The following NTAQ1 variants were observed in gnomAD, a reference collection of about 807,000 sequenced individuals.
NTAQ1 encodes the protein N-terminal glutamine amidase 1.
NTAQ1 carries 21 observed loss-of-function variants against 28.2 expected under a neutral mutation model. That is an observed-to-expected ratio of 0.74 (90% CI 0.53 to 1.07). The LOEUF (loss-of-function observed/expected upper bound fraction) is 1.07. Ranked by LOEUF, NTAQ1 falls within the 50% of genes least tolerant of loss-of-function variation. The probability of loss-of-function intolerance (pLI) is 0.00; values close to 1 mark genes in which losing one functional copy is unlikely to be tolerated. For synonymous variants in NTAQ1, 105 were observed against 90.0 expected (o/e 1.17, Z -0.94); for missense variants, 264 against 256.6 (o/e 1.03, Z -0.20).
chr8:123,460,043 G>A (rs1815774337), intron 6 of NTAQ1, among the ~76,000 whole-genome samples: 1 of 151,790 alleles, frequency 6.6e-6, no homozygotes, highest in South Asian at 2.1e-4. Flanking sequence ...CAGGTAATCC[G>A]CCTGCCTCGG....
chr8:123,417,961 C>G (rs1343886377), intron 1 of NTAQ1, among the ~76,000 whole-genome samples: 1 of 152,172 alleles, frequency 6.6e-6, no homozygotes, highest in Non-Finnish European at 1.5e-5. Context: ...AACTACTGCA[C>G]TATTTTTCTG....
chr8:123,440,762 A>G (rs897841886), intron 5 of NTAQ1, among the ~76,000 whole-genome samples: 1 of 151,992 alleles, frequency 6.6e-6, no homozygotes, highest in Non-Finnish European at 1.5e-5. Flanking sequence ...CGGCCTCCCA[A>G]AGTGCTGGGA....
chr8:123,439,885 TG>T (rs1814944746), intron 5 of NTAQ1, among the ~76,000 whole-genome samples: 1 of 151,294 alleles, frequency 6.6e-6, no homozygotes, highest in African/African-American at 2.4e-5. Context: ...ATCTGGGAGG[TG>T]GAGGTCGCAA....
At chr8:123,470,483 A>T (rs952855214), downstream of NTAQ1, among the ~76,000 whole-genome samples, 2 of 152,222 alleles carry the variant, frequency 1.3e-5, no homozygotes, top group African/African-American at 4.8e-5. Context: ...CAGTGTCCCA[A>T]AGAGTGAGAA....
At chr8:123,468,670 T>A (rs903201820) in exon 7 of NTAQ1, among the ~76,000 whole-genome samples, 7 of 152,236 alleles carry the variant, frequency 4.6e-5, no homozygotes, top group Admixed American at 6.5e-5. Flanking sequence ...GCGACATAGA[T>A]GTGCAAATAT....
chr8:123,463,641 G>A (rs1296797912), intron 6 of NTAQ1, among the ~76,000 whole-genome samples: 3 of 152,156 alleles, frequency 2.0e-5, no homozygotes, highest in Non-Finnish European at 4.4e-5. Context: ...AGTGTCACAG[G>A]TTAGGTTCCT....
downstream of NTAQ1, among the ~76,000 whole-genome samples, chr8:123,446,978 T>TG (rs919282115): frequency 6.6e-6 from 1 of 152,134 alleles, no homozygotes; most frequent in African/African-American, 2.4e-5. Context: ...GCCGCCGAGC[T>TG]GGGGGTCAGG....
chr8:123,444,225 C>A (rs936843536), downstream of NTAQ1, among the ~76,000 whole-genome samples: 1 of 151,978 alleles, frequency 6.6e-6, no homozygotes, highest in Non-Finnish European at 1.5e-5. Context: ...TTTGAGATGC[C>A]GTCTTGCTCT....
chr8:123,438,739 T>C (rs1352798425), intron 5 of NTAQ1, among the ~76,000 whole-genome samples: 1 of 152,186 alleles, frequency 6.6e-6, no homozygotes, highest in African/African-American at 2.4e-5. Flanking sequence ...TTTGGCATAT[T>C]TGAGGGGACT....
rs763398571 is a variant in NTAQ1 at position 123,430,034 on chromosome 8, G to T, written c.234+1G>T. On this transcript the variant is annotated splice_donor_variant, in intron 3 of 5. Transcript: ENST00000287387. LOFTEE classifies it high-confidence loss of function. The stretch of plus-strand genomic sequence containing the variant: ...ACCTGGAGATGGACCTGTGATCTGG[G>T]TAAGACAGTTAATACAGAGAGTATT... 1.2e-6 allele frequency: 2 copies of T among 1,612,350 alleles called. No individual in the cohort carries two copies. Among genetic ancestry groups the T allele is most frequent in the South Asian group, 2.2e-5 (2 of 90,878 alleles).
At chr8:123,457,275 G>A (rs529274673) in intron 6 of NTAQ1, among the ~76,000 whole-genome samples, 7 of 152,004 alleles carry the variant, frequency 4.6e-5, no homozygotes, top group South Asian at 2.1e-4. Context: ...CCATGTTGAC[G>A]AGGCTGGTCT....
chr8:123,474,615 G>T (rs904613254), downstream of NTAQ1, among the ~76,000 whole-genome samples: 1 of 152,026 alleles, frequency 6.6e-6, no homozygotes, highest in African/African-American at 2.4e-5. Flanking sequence ...TTAAAACTAC[G>T]CAAATATTGC....
downstream of NTAQ1, among the ~76,000 whole-genome samples, chr8:123,451,312 T>C (rs549398518): frequency 6.6e-6 from 1 of 152,346 alleles, no homozygotes; most frequent in East Asian, 1.9e-4. Context: ...GAAATGATCT[T>C]GCACACTTAT....
chr8:123,467,525 T>C (rs536849720), exon 7 of NTAQ1, among the ~76,000 whole-genome samples: 1 of 152,352 alleles, frequency 6.6e-6, no homozygotes, highest in Non-Finnish European at 1.5e-5. Flanking sequence ...ATTAAGTGTT[T>C]TATCAATGTC....
At position 123,416,902 on chromosome 8, in the gene NTAQ1, G is replaced by A. The variant is rs1029768601; in HGVS notation, c.53G>A (p.Arg18Gln). 8 of 1,524,872 alleles carry A rather than the reference G, an allele frequency of 5.2e-6. No homozygotes were observed. The highest frequency in any genetic ancestry group is 3.7e-5 in the South Asian group (3 of 81,536). 94.5% of individuals were successfully genotyped at this position (1,524,872 alleles called of 1,614,324 possible). The change falls in exon 1 of 6, where the codon CGG becomes CAG. Residue 18 changes from arginine to glutamine, a missense_variant. Coordinates refer to ENST00000287387, the MANE Select transcript of NTAQ1 (RefSeq NM_018024.3). ...CACTACCAGCCGGCCAGCCCCCCGC[G>A]GGACGCCTGCGTCTACAGCAGCTGC... Reference protein sequence around the residue: ...AVHYQPASPPRDACVYSSCYC... With the variant: ...AVHYQPASPPQDACVYSSCYC...
At position 123,441,450 on chromosome 8, in the gene NTAQ1, C is replaced by T; in HGVS notation, c.*35C>T. On this transcript the variant is annotated 3_prime_UTR_variant, in exon 6 of 6. Coordinates refer to ENST00000287387, the MANE Select transcript of NTAQ1 (RefSeq NM_018024.3). ...CAAGATGTGGAACTGTGGAGAAATT[C>T]TAGGACATGAACAAGCTATCCTTTC... The T allele has an allele frequency of 6.6e-7, 1 of 1,521,418 alleles. No homozygotes were observed. The highest frequency in any genetic ancestry group is 9.0e-7 in the Non-Finnish European group (1 of 1,105,822). 94.2% of individuals were successfully genotyped at this position (1,521,418 alleles called of 1,614,324 possible).
At chr8:123,452,366 G>A (rs550816698), downstream of NTAQ1, among the ~76,000 whole-genome samples, 4 of 152,206 alleles carry the variant, frequency 2.6e-5, no homozygotes, top group Non-Finnish European at 5.9e-5. Context: ...GGAGGCCAAC[G>A]CCGGTGGATC....
Position 123,423,337 on chromosome 8 carries a change from TTTTCCTTCCTTTCCCTCC to T in NTAQ1, c.84-4565_84-4548del, listed in dbSNP as rs1173884776. On this transcript the variant is annotated intron_variant, in intron 1 of 5. Transcript: ENST00000287387. The stretch of plus-strand genomic sequence containing the variant: ...CTTCTTTTTTCTTTCTTTGTCTTTC[TTTTCCTTCCTTTCCCTCC>T]TTTCCTTCCTTTCCCTCCTTTTCCT... Among the ~76,000 whole-genome samples the T allele has an allele frequency of 1.3e-4, 18 of 133,892 alleles. No individual in the cohort carries two copies. In the East Asian group the frequency reaches 1.8e-3, roughly 13 times the overall value. 87.8% of individuals were successfully genotyped at this position (133,892 alleles called of 152,430 possible). A position where few individuals can be genotyped will look rare whatever the true frequency, so the allele number is the denominator to read the frequency against.
downstream of NTAQ1, among the ~76,000 whole-genome samples, chr8:123,442,433 A>G (rs1815111378): frequency 6.6e-6 from 1 of 151,690 alleles, no homozygotes; most frequent in African/African-American, 2.4e-5. Flanking sequence ...CCTTGTCTCT[A>G]CTAAAAATAT....
Sources: allele counts gnomAD v4.1 joint callset (sites outside exome capture counted in the v4.1 genomes callset), GRCh38; gene constraint gnomAD v4.1.1; transcripts MANE v1.5; gene names NCBI Gene and HGNC (gene_info 2026-07-23, HGNC 2026-07-21).